Variants in CROCC2 observed in about 807,000 individuals in gnomAD.
The protein encoded by CROCC2 is ciliary rootlet coiled-coil protein 2.
A neutral mutation model predicts 177.6 loss-of-function variants in CROCC2; 163 were observed. That is an observed-to-expected ratio of 0.92 (90% CI 0.81 to 1.05). The LOEUF is 1.05. Among genes scored for constraint, CROCC2 ranks in the 50% least tolerant of loss-of-function variants. The pLI is 0.00. For synonymous variants in CROCC2, 904 were observed against 787.3 expected, an observed-to-expected ratio of 1.15 and a Z score of -2.48; for missense variants, 1,929 against 1,797.8, an observed-to-expected ratio of 1.07 and a Z score of -1.32.
intron 19 of CROCC2, among the ~76,000 whole-genome samples, chr2:240,956,997 G>A (rs2059595464): frequency 6.6e-6 from 1 of 152,156 alleles, no homozygotes; most frequent in South Asian, 2.1e-4. Context: ...GGCGGCCTGA[G>A]GAGAGGCTGT....
At position 240,989,685 on chromosome 2, in the gene CROCC2, C is replaced by A; in HGVS notation, c.4715C>A (p.Thr1572Asn). The A allele has an allele frequency of 6.5e-7, 1 of 1,549,738 alleles. No homozygotes were observed. The highest frequency in any genetic ancestry group is 8.7e-7 in the Non-Finnish European group (1 of 1,146,340). The change falls in exon 30 of 32, where the codon ACC becomes AAC. Residue 1572 changes from threonine to asparagine, a missense_variant. By Grantham distance (65) the Thr-to-Asn change is moderately conservative. Around this residue, in one of 3 missense-constraint regions of CROCC2, gnomAD observed 388 missense variants for 352.7 expected, o/e 1.10. Coordinates refer to ENST00000690015, the MANE Select transcript of CROCC2 (RefSeq NM_001351305.2). ...AQMTEMEQAH[T>N]QRLQDLTAQH... ...ATGACAGAGATGGAGCAGGCCCACA[C>A]CCAGCGGCTCCAGGACCTGACAGCT...
chr2:240,925,687 T>G, intron 4 of CROCC2, 37 bp from the exon 5 acceptor site: 1 of 687,708 alleles, frequency 1.5e-6, no homozygotes, highest in Middle Eastern at 2.4e-4. Context: ...AGGAGAGGCT[T>G]CCTACCCCCA....
In CROCC2 at chr2:240,963,770, C is replaced by G; in HGVS notation, c.3302C>G (p.Ala1101Gly). 6.5e-7 allele frequency: 1 copy of G among 1,548,140 alleles called. No individual in the cohort carries two copies. Among genetic ancestry groups the G allele is most frequent in the Non-Finnish European group, 8.7e-7 (1 of 1,145,306 alleles). Residue 1101 changes from alanine to glycine, a missense_variant, in exon 21 of 32, where the codon GCC (alanine) becomes GGC (glycine). Physicochemically the swap from Ala to Gly is moderately conservative, Grantham distance 60. Coordinates refer to ENST00000690015, the MANE Select transcript of CROCC2 (RefSeq NM_001351305.2). ...ATICRAEQEK[A>G]SFKRSKEEKE... ...ATCTGCAGGGCCGAACAGGAGAAGGCCAGGTATGGCGGCCACCCAGGAGCA... is the reference window on the plus strand; with the variant it reads ...ATCTGCAGGGCCGAACAGGAGAAGGGCAGGTATGGCGGCCACCCAGGAGCA...
In CROCC2 at chr2:240,960,601, G is replaced by C. The variant is rs901476416; in HGVS notation, c.3087+1157G>C. Among the ~76,000 whole-genome samples the C allele has an allele frequency of 5.3e-5, 8 of 152,128 alleles. No individual in the cohort carries two copies. Among genetic ancestry groups the C allele is most frequent in the Admixed American group, 3.9e-4 (6 of 15,284 alleles). On this transcript the variant is annotated intron_variant, in intron 20 of 31. Transcript: ENST00000690015. The surrounding 1 kb of genome is among the most constrained non-coding windows in gnomAD (Gnocchi z 5.0). ...GAGCCCCAGCGGGGCCCACGGGGAC[G>C]GGGCGACCTCGCACACTCCCTGGGC...
At chr2:240,952,014 A>C (rs1256496739) in intron 18 of CROCC2, among the ~76,000 whole-genome samples, 9 of 152,314 alleles carry the variant, frequency 5.9e-5, no homozygotes, top group African/African-American at 2.2e-4. Context: ...ACACGTCCAC[A>C]TTGTGTCCCA....
chr2:240,914,468 G>A (rs1198044840), intron 1 of CROCC2, among the ~76,000 whole-genome samples: 2 of 152,214 alleles, frequency 1.3e-5, no homozygotes, highest in Non-Finnish European at 2.9e-5. Context: ...CCGAGATGCC[G>A]TCCAAACCCC....
chr2:240,932,215 A>AG, intron 7 of CROCC2, 103 bp from the exon 8 acceptor site: 2 of 627,582 alleles, frequency 3.2e-6, no homozygotes, highest in Non-Finnish European at 5.9e-6. Context: ...CAGCACCGGC[A>AG]GGGGGGCCAC....
rs1475821361 is a variant in CROCC2, at chr2:240,966,312, C to T, written c.4049C>T (p.Thr1350Ile). Residue 1350 changes from threonine (T) to isoleucine (I), a missense_variant, in exon 25 of 32, where the codon ACA becomes ATA. Transcript: ENST00000690015. The stretch of plus-strand genomic sequence containing the variant: ...TCGCCCCTCCGATGGCCCTCGCCCA[C>T]ACCCGGAGGCCGCAGCTCAGAGCTC... ...PHSPLRWPSP[T>I]PGGRSSELMD... 1.4e-5 allele frequency: 6 copies of T among 419,936 alleles called. No homozygotes were observed. Among genetic ancestry groups the T allele is most frequent in the Non-Finnish European group, 1.2e-5 (3 of 243,226 alleles). The allele number at this position is 419,936 out of a possible 1,614,324, so 26.0% of individuals were successfully genotyped here.
In CROCC2 at chr2:240,946,100, A is replaced by G; in HGVS notation, c.2210A>G (p.Gln737Arg). 6.5e-7 allele frequency: 1 copy of G among 1,533,314 alleles called. No homozygotes were observed. The highest frequency in any genetic ancestry group is 8.8e-7 in the Non-Finnish European group (1 of 1,133,208). 95.0% of individuals were successfully genotyped at this position (1,533,314 alleles called of 1,614,324 possible). ...QKQALEEQLA[Q>R]SLQDQEAQMG... ...CAGGCCCTGGAGGAGCAGCTGGCTC[A>G]GAGCCTGCAGGACCAGGAGGCCCAG... The change falls in exon 15 of 32, where the codon CAG (glutamine) becomes CGG (arginine). Residue 737 changes from glutamine to arginine, a missense_variant. Physicochemically the swap from Gln to Arg is conservative, Grantham distance 43 (BLOSUM62 1). This residue lies in a region of CROCC2 where 1,397 missense variants were observed against 1,239.9 expected (regional missense o/e 1.13). Coordinates refer to ENST00000690015, the MANE Select transcript of CROCC2 (RefSeq NM_001351305.2).
intron 20 of CROCC2, among the ~76,000 whole-genome samples, chr2:240,961,008 G>A (rs1455448536): frequency 6.6e-6 from 1 of 151,904 alleles, no homozygotes; most frequent in African/African-American, 2.4e-5. Flanking sequence ...GGGAAGGTCA[G>A]GCTCTCAGAG....
Position 240,949,820 on chromosome 2 carries a change from C to T in CROCC2, c.2652+118C>T, listed in dbSNP as rs1381046822. The T allele has an allele frequency of 5.4e-6, 6 of 1,109,858 alleles. No individual in the cohort carries two copies. The highest frequency in any genetic ancestry group is 5.1e-6 in the Non-Finnish European group (4 of 788,836). The allele number at this position is 1,109,858 out of a possible 1,614,324, so 68.8% of individuals were successfully genotyped here. A position where few individuals can be genotyped will look rare whatever the true frequency, so the allele number is the denominator to read the frequency against. ...AGAGCTCAGAGACATAGGCGCCTGGCCAGGGCTGGGCAAGGACCAGCTCAC... is the reference window on the plus strand; with the variant it reads ...AGAGCTCAGAGACATAGGCGCCTGGTCAGGGCTGGGCAAGGACCAGCTCAC... On this transcript the variant is annotated intron_variant, in intron 17 of 31. Transcript: ENST00000690015. This position sits in a 1 kb window ranked among gnomAD's most constrained non-coding sequence, Gnocchi z 4.5.
At chr2:240,932,592 G>A (rs1054580641) in intron 8 of CROCC2, 110 bp from the exon 9 acceptor site, 8 of 697,106 alleles carry the variant, frequency 1.1e-5, no homozygotes, top group Middle Eastern at 2.6e-4. Context: ...CCTCCCAGTG[G>A]CAAAGGTGGA....
chr2:240,948,754 GT>G (rs1276782230), intron 15 of CROCC2, among the ~76,000 whole-genome samples: 1 of 152,186 alleles, frequency 6.6e-6, no homozygotes, highest in Non-Finnish European at 1.5e-5. Flanking sequence ...AGTTGCGTGC[GT>G]GGCTTTTTGG....
At chr2:240,967,700 G>A (rs900333844) in intron 26 of CROCC2, 1 of 533,944 alleles carries the variant, frequency 1.9e-6, no homozygotes, top group African/African-American at 2.1e-5. Context: ...GCCCATCAGG[G>A]CCCTCCCGAT....
chr2:240,948,956 C>A, intron 15 of CROCC2, 23 bp from the exon 16 acceptor site: 5 of 1,549,670 alleles, frequency 3.2e-6, no homozygotes, highest in Non-Finnish European at 4.4e-6. Context: ...ATGACTTGCC[C>A]ATTGTTTGCT....
Position 240,990,956 on chromosome 2 carries a change from C to CT in CROCC2, c.4864-239dup, listed in dbSNP as rs2059875220. On this transcript the variant is annotated intron_variant, in intron 30 of 31. Coordinates refer to ENST00000690015, the MANE Select transcript of CROCC2 (RefSeq NM_001351305.2). ...CCAAGGGTGCGCGGTGGCCATACTC[C>CT]TGAGGCCTCCACAGGTGGGGGATCC... Among the ~76,000 whole-genome samples, 3 of 152,374 alleles carry CT rather than the reference C, an allele frequency of 2.0e-5. No homozygotes were observed. In the South Asian group the frequency reaches 6.2e-4, roughly 32 times the overall value.
At position 240,949,630 on chromosome 2, in the gene CROCC2, G is replaced by A. The variant is rs1215931056; in HGVS notation, c.2580G>A (p.Arg860=). The change falls in exon 17 of 32, where the codon CGG becomes CGA. Residue 860 remains arginine, a synonymous_variant. Transcript: ENST00000690015. This position sits in a 1 kb window ranked among gnomAD's most constrained non-coding sequence, Gnocchi z 4.5. ...RLQRQVAQQE[R]EAQRALESQA... is the part of the protein sequence containing the mutation. ...AGCGACAGGTGGCACAGCAGGAGCG[G>A]GAGGCACAGCGGGCCCTGGAGAGCC... The A allele has an allele frequency of 6.4e-7, 1 of 1,550,436 alleles. No individual in the cohort carries two copies. The highest frequency in any genetic ancestry group is 2.0e-5 in the Admixed American group (1 of 51,002).
chr2:240,945,450 C>A (rs6760411), intron 14 of CROCC2, among the ~76,000 whole-genome samples: 1 of 152,088 alleles, frequency 6.6e-6, no homozygotes, highest in Non-Finnish European at 1.5e-5. Flanking sequence ...TGAACCCTAA[C>A]TTTTGTCCCC....
At chr2:240,967,146 C>G (rs2059689195) in intron 25 of CROCC2, among the ~76,000 whole-genome samples, 199 bp from the exon 26 acceptor site, 1 of 152,134 alleles carries the variant, frequency 6.6e-6, no homozygotes, top group Non-Finnish European at 1.5e-5. Context: ...CCCAGGCCTG[C>G]AGGTCAGCGC....
Sources: gnomAD v4.1 joint callset for allele counts (sites outside exome capture counted in the v4.1 genomes callset) on GRCh38, gnomAD v4.1.1 for gene constraint, gnomAD v4.1.1 regional missense constraint, Gnocchi (gnomAD v3.1) non-coding constraint, MANE v1.5 for transcripts, NCBI Gene and HGNC (gene_info 2026-07-23, HGNC 2026-07-21) for gene names.